Variants in SNED1 observed in about 807,000 individuals in gnomAD.
SNED1 encodes the protein sushi, nidogen and EGF-like domain-containing protein 1.
Under a neutral mutation model 166.7 loss-of-function variants are expected in SNED1, and 81 were observed. That is an observed-to-expected ratio of 0.49 (90% CI 0.41 to 0.58). SNED1 has a LOEUF of 0.58. Among genes scored for constraint, SNED1 ranks in the 20% least tolerant of loss-of-function variants. The pLI is 0.00. For synonymous variants in SNED1, 762 were observed against 822.0 expected (o/e 0.93, Z 1.25); for missense variants, 1,604 against 2,000.2 (o/e 0.80, Z 3.78).
chr2:241,034,460 G>C, intron 3 of SNED1, 108 bp from the exon 4 acceptor site: 1 of 1,071,510 alleles, frequency 9.3e-7, no homozygotes, highest in African/African-American at 1.6e-5. Flanking sequence ...TCAGGACCTG[G>C]CTGGGAGGTT....
chr2:241,059,662 G>C (rs1444146660), intron 16 of SNED1, among the ~76,000 whole-genome samples: 1 of 152,206 alleles, frequency 6.6e-6, no homozygotes, highest in Non-Finnish European at 1.5e-5. Context: ...CATCATATTA[G>C]GAGATGAAAG....
chr2:241,033,923 C>T (rs1363896485), intron 3 of SNED1, 48 bp downstream of exon 3: 70 of 1,543,560 alleles, frequency 4.5e-5, no homozygotes, highest in Non-Finnish European at 5.7e-5. Context: ...CTGCTCCCCA[C>T]AGCCAGGACT....
intron 16 of SNED1, among the ~76,000 whole-genome samples, chr2:241,061,281 A>T (rs80303968): frequency 6.6e-6 from 1 of 152,244 alleles, no homozygotes; most frequent in Non-Finnish European, 1.5e-5. Flanking sequence ...ATTCTATTTC[A>T]TTAGTAATCA....
chr2:241,088,788 C>T, intron 31 of SNED1: 1 of 258,614 alleles, frequency 3.9e-6, no homozygotes, highest in Non-Finnish European at 7.3e-6. Context: ...GGGCCACGGG[C>T]AGCGGGAGGG....
intron 20 of SNED1, 63 bp from the exon 21 acceptor site, chr2:241,065,236 G>A (rs912712534): frequency 5.1e-6 from 8 of 1,564,020 alleles, no homozygotes; most frequent in Non-Finnish European, 7.0e-6. Flanking sequence ...GCCGACGGGA[G>A]CCAGGCATGC....
At chr2:241,090,843 GGCA>G in intron 31 of SNED1, among the ~76,000 whole-genome samples, 1 of 151,032 alleles carries the variant, frequency 6.6e-6, no homozygotes. Context: ...CTACAGCTTA[GGCA>G]ACTGAGCAAG....
At chr2:241,057,912 A>G (rs913429439) in intron 16 of SNED1, among the ~76,000 whole-genome samples, 6 of 152,350 alleles carry the variant, frequency 3.9e-5, no homozygotes, top group African/African-American at 1.2e-4. Context: ...ACTTGTCACT[A>G]TCCAAAAGGA....
intron 8 of SNED1, among the ~76,000 whole-genome samples, chr2:241,041,679 ACT>A (rs932410695): frequency 3.3e-5 from 5 of 151,802 alleles, no homozygotes; most frequent in Admixed American, 6.6e-5. Context: ...AATGAGTGAG[ACT>A]CTGTCTAAAA....
At position 241,048,849 on chromosome 2, in the gene SNED1, G is replaced by A. The variant is rs879049275; in HGVS notation, c.1504+83G>A. 18 of 1,293,650 alleles carry A rather than the reference G, an allele frequency of 1.4e-5. No individual in the cohort carries two copies. In the South Asian group the frequency reaches 1.4e-4, roughly 10 times the overall value. The allele number at this position is 1,293,650 out of a possible 1,614,324, so 80.1% of individuals were successfully genotyped here. On this transcript the variant is annotated intron_variant, in intron 10 of 31. Transcript: ENST00000310397. ...TGAATGGTGGCTTCGGCCGGGGTCC[G>A]TAGGTCCAGACTGTCGACCATTGGT...
intron 1 of SNED1, 134 bp from the exon 2 acceptor site, chr2:241,030,150 C>T (rs879727303): frequency 2.4e-6 from 2 of 823,616 alleles, no homozygotes; most frequent in Non-Finnish European, 3.8e-6. Context: ...GCTGTCAGGC[C>T]ACCCTGGGGA....
At chr2:241,079,634 CA>C (rs1021160293) in intron 27 of SNED1, among the ~76,000 whole-genome samples, 4 of 150,616 alleles carry the variant, frequency 2.7e-5, no homozygotes, top group Non-Finnish European at 4.4e-5. Flanking sequence ...ACTTTAGAAC[CA>C]AAAAAAAGGT....
chr2:241,055,955 G>A (rs182927873), intron 16 of SNED1, among the ~76,000 whole-genome samples: 3 of 152,312 alleles, frequency 2.0e-5, no homozygotes, highest in South Asian at 2.1e-4. Context: ...ACTCAGCTTC[G>A]CTACCTAGTA....
chr2:241,057,977 A>G (rs1259699239), intron 16 of SNED1, among the ~76,000 whole-genome samples: 1 of 152,228 alleles, frequency 6.6e-6, no homozygotes, highest in Non-Finnish European at 1.5e-5. Context: ...GAATTATGAT[A>G]GAAAAAATAC....
intron 31 of SNED1, among the ~76,000 whole-genome samples, chr2:241,089,565 C>T (rs1048366678): frequency 4.6e-5 from 7 of 152,194 alleles, no homozygotes; most frequent in Admixed American, 2.6e-4. Context: ...TCTGCCTCTT[C>T]GGATGTGGAA....
intron 18 of SNED1, 76 bp from the exon 19 acceptor site, chr2:241,063,936 T>C: frequency 8.7e-7 from 1 of 1,148,922 alleles, no homozygotes; most frequent in Non-Finnish European, 1.3e-6. Context: ...CTCCTTTCCC[T>C]TCTTCCCGCT....
At chr2:241,086,229 G>A (rs901706644) in intron 29 of SNED1, among the ~76,000 whole-genome samples, 8 of 152,128 alleles carry the variant, frequency 5.3e-5, no homozygotes, top group South Asian at 2.1e-4. Context: ...TCTGGAAATC[G>A]TTCAACTCCT....
intron 8 of SNED1, among the ~76,000 whole-genome samples, chr2:241,046,935 G>A (rs1021373635): frequency 1.3e-5 from 2 of 152,036 alleles, no homozygotes; most frequent in African/African-American, 4.8e-5. Flanking sequence ...ACGAGGTCAG[G>A]AGATCAAGAC....
intron 9 of SNED1, 96 bp downstream of exon 9, chr2:241,048,536 A>G (rs1450630245): frequency 1.3e-6 from 2 of 1,506,008 alleles, no homozygotes; most frequent in African/African-American, 2.8e-5. Flanking sequence ...CCCCGAAAAG[A>G]AACGTGTGAG....
chr2:241,004,300 TA>T (rs899170315), intron 1 of SNED1, among the ~76,000 whole-genome samples: 1 of 152,154 alleles, frequency 6.6e-6, no homozygotes, highest in East Asian at 1.9e-4. Context: ...TTGTAAATGC[TA>T]AAAAAAAGAA....
Sources: allele counts gnomAD v4.1 joint callset (sites outside exome capture counted in the v4.1 genomes callset), GRCh38; gene constraint gnomAD v4.1.1; transcripts MANE v1.5; gene names NCBI Gene and HGNC (gene_info 2026-07-23, HGNC 2026-07-21).